The following MCPH1 variants were observed in gnomAD, a reference collection of about 807,000 sequenced individuals.
The protein encoded by MCPH1 is microcephalin 1, also known as microcephalin.
In MCPH1, 104 loss-of-function variants were observed where a neutral mutation model predicts 84.5. That is an observed-to-expected ratio of 1.23 (90% CI 1.05 to 1.45). The LOEUF is 1.45. Ranked by LOEUF, MCPH1 falls within the 40% of genes most tolerant of loss-of-function variation. MCPH1 has a pLI of 0.00. For synonymous variants in MCPH1, 514 were observed against 366.8 expected, an observed-to-expected ratio of 1.40 and a Z score of -4.58; for missense variants, 1,498 against 1,005.7, an observed-to-expected ratio of 1.49 and a Z score of -6.62.
intron 3 of MCPH1, among the ~76,000 whole-genome samples, chr8:6,425,388 C>A (rs1210608607): frequency 6.6e-6 from 1 of 152,066 alleles, no homozygotes; most frequent in Non-Finnish European, 1.5e-5. Context: ...TTGGTTGGAC[C>A]CCTGGTAAAC....
At chr8:6,627,355 C>T (rs1796814567) in intron 13 of MCPH1, 1 of 918,944 alleles carries the variant, frequency 1.1e-6, no homozygotes, top group Non-Finnish European at 1.3e-6. Flanking sequence ...GGACTGCCCC[C>T]TTCCAGCCCC....
At chr8:6,421,063 G>A (rs1209110397) in intron 3 of MCPH1, among the ~76,000 whole-genome samples, 1 of 152,194 alleles carries the variant, frequency 6.6e-6, no homozygotes, top group African/African-American at 2.4e-5. Flanking sequence ...CCCTTAGGGT[G>A]GGCTGCCCGC....
At chr8:6,476,043 G>A (rs1250866869) in intron 9 of MCPH1, among the ~76,000 whole-genome samples, 2 of 152,158 alleles carry the variant, frequency 1.3e-5, no homozygotes, top group Non-Finnish European at 2.9e-5. Flanking sequence ...TAGATGCCAA[G>A]GCTATATGAA....
intron 5 of MCPH1, among the ~76,000 whole-genome samples, 186 bp downstream of exon 5, chr8:6,436,348 G>A (rs773061374): frequency 3.3e-5 from 5 of 152,192 alleles, no homozygotes; most frequent in African/African-American, 4.8e-5. Context: ...ATAGAGCCAC[G>A]CAGCTTGAGC....
chr8:6,609,328 G>A (rs1158537124), intron 12 of MCPH1, among the ~76,000 whole-genome samples: 2 of 152,156 alleles, frequency 1.3e-5, no homozygotes, highest in African/African-American at 4.8e-5. Context: ...GAAACCTACC[G>A]CGTTCGAGTT....
rs536383574 is a variant in MCPH1, at chr8:6,619,787, T to C, written c.2215-1667T>C. Among the ~76,000 whole-genome samples, 378 of 152,280 alleles carry C rather than the reference T, an allele frequency of 2.5e-3. 3 individuals are homozygous for C. The highest frequency in any genetic ancestry group is 4.6e-3 in the Non-Finnish European group (313 of 68,022). On this transcript the variant is annotated intron_variant, in intron 12 of 13. Coordinates refer to ENST00000344683, the MANE Select transcript of MCPH1 (RefSeq NM_024596.5). ...TTTTAGTAGAGACAGGGTTTCACCA[T>C]GTTAGCCAGGATGATCTTGATCTCC...
chr8:6,420,816 T>C (rs971650671), intron 3 of MCPH1, among the ~76,000 whole-genome samples: 6 of 152,168 alleles, frequency 3.9e-5, no homozygotes, highest in African/African-American at 1.4e-4. Flanking sequence ...CAAACACGTA[T>C]GGGTTTGCAG....
intron 8 of MCPH1, among the ~76,000 whole-genome samples, chr8:6,452,701 C>G (rs939533861): frequency 6.6e-6 from 1 of 152,234 alleles, no homozygotes; most frequent in Non-Finnish European, 1.5e-5. Flanking sequence ...GGCTTCCTCT[C>G]TCTCTGCCAT....
At chr8:6,440,242 G>GA (rs1563210595) in intron 6 of MCPH1, among the ~76,000 whole-genome samples, 1 of 151,914 alleles carries the variant, frequency 6.6e-6, no homozygotes, top group East Asian at 1.9e-4. Context: ...GGTTGTTCTT[G>GA]TTTTTTTGTT....
In MCPH1 at chr8:6,647,973, C is replaced by A. The variant is rs186999909; in HGVS notation, c.*4924C>A. The A allele has an allele frequency of 6.6e-6, 1 of 152,236 alleles. No homozygotes were observed. The highest frequency in any genetic ancestry group is 6.5e-5 in the Admixed American group (1 of 15,298). The allele number at this position is 152,236 out of a possible 1,614,324, so 9.4% of individuals were successfully genotyped here. A position where few individuals can be genotyped will look rare whatever the true frequency, so the allele number is the denominator to read the frequency against. The stretch of plus-strand genomic sequence containing the variant: ...CGAGAGCTACATGGCAGCCCCAGGG[C>A]AATAGCTCTCAGATCTCCCTTAGAG... On this transcript the variant is annotated 3_prime_UTR_variant, in exon 14 of 14. Transcript: ENST00000344683.
chr8:6,437,519 G>A (rs1459903815), intron 5 of MCPH1, among the ~76,000 whole-genome samples: 5 of 152,160 alleles, frequency 3.3e-5, no homozygotes, highest in African/African-American at 7.2e-5. Context: ...GTGAGCCACC[G>A]CGCCCGGCCA....
At chr8:6,633,678 C>A (rs1014767193) in intron 13 of MCPH1, among the ~76,000 whole-genome samples, 1 of 152,166 alleles carries the variant, frequency 6.6e-6, no homozygotes, top group Non-Finnish European at 1.5e-5. Flanking sequence ...CAAATTCCCC[C>A]ACACAAGCAC....
chr8:6,408,993 C>T (rs770334195), intron 1 of MCPH1, among the ~76,000 whole-genome samples: 4 of 151,904 alleles, frequency 2.6e-5, no homozygotes, highest in Non-Finnish European at 4.4e-5. Flanking sequence ...TCAAGTGATT[C>T]TCCTGCCTCA....
At chr8:6,544,224 G>GGGACCTCTGTTTATTAT (rs1822127270) in intron 12 of MCPH1, among the ~76,000 whole-genome samples, 1 of 152,184 alleles carries the variant, frequency 6.6e-6, no homozygotes, top group Non-Finnish European at 1.5e-5. Flanking sequence ...TAGTGAAGCT[G>GGGACCTCTGTTTATTAT]GGACCTCTGT....
chr8:6,444,568 C>G lies in MCPH1; in HGVS notation c.846C>G (p.His282Gln). 1 of 1,614,150 alleles carries G rather than the reference C, an allele frequency of 6.2e-7. No individual in the cohort carries two copies. Among genetic ancestry groups the G allele is most frequent in the Non-Finnish European group, 8.5e-7 (1 of 1,179,992 alleles). ...NNIHSSPSFTHLDKSSPQKFL... is the reference protein window; with the variant it reads ...NNIHSSPSFTQLDKSSPQKFL... Reference sequence around the variant, plus strand: ...TTCATTCATCACCATCTTTCACTCACCTCGATAAATCAAGTCCTCAGAAAT... The same window carrying G: ...TTCATTCATCACCATCTTTCACTCAGCTCGATAAATCAAGTCCTCAGAAAT... Residue 282 changes from histidine to glutamine, a missense_variant, in exon 8 of 14, where the codon CAC becomes CAG. Transcript: ENST00000344683.
chr8:6,544,432 C>T (rs912702079), intron 12 of MCPH1, among the ~76,000 whole-genome samples: 1 of 152,148 alleles, frequency 6.6e-6, no homozygotes, highest in East Asian at 1.9e-4. Flanking sequence ...ATTATGTCTT[C>T]CAAGACCTCC....
intron 12 of MCPH1, among the ~76,000 whole-genome samples, chr8:6,533,148 A>T (rs1157730201): frequency 2.0e-5 from 3 of 152,232 alleles, no homozygotes; most frequent in African/African-American, 7.2e-5. Flanking sequence ...GCAAACTTTT[A>T]ATCGCACCTT....
intron 2 of MCPH1, among the ~76,000 whole-genome samples, chr8:6,414,237 ACCT>A (rs1798935899): frequency 6.6e-6 from 1 of 151,136 alleles, no homozygotes; most frequent in Non-Finnish European, 1.5e-5. Context: ...CAAACTGCTG[ACCT>A]CAGGTGATCC....
chr8:6,508,979 C>G (rs748888754), intron 12 of MCPH1: 10 of 1,614,148 alleles, frequency 6.2e-6, no homozygotes, highest in South Asian at 2.2e-5. Flanking sequence ...GTCGTTGTCT[C>G]CATCCTTTGT....
Sources: gnomAD v4.1 joint callset for allele counts (sites outside exome capture counted in the v4.1 genomes callset) on GRCh38, gnomAD v4.1.1 for gene constraint, MANE v1.5 for transcripts, NCBI Gene and HGNC (gene_info 2026-07-23, HGNC 2026-07-21) for gene names.